The following AZIN2 variants were observed in gnomAD, a reference collection of about 807,000 sequenced individuals.
AZIN2 encodes ODC antizyme inhibitor-2.
Under a neutral mutation model 47.8 loss-of-function variants are expected in AZIN2, and 28 were observed. The observed-to-expected ratio is 0.59, with a 90% CI of 0.43 to 0.80. The LOEUF (loss-of-function observed/expected upper bound fraction) is 0.80. AZIN2 is among the 30% of genes least tolerant of loss of function. AZIN2 has a pLI of 0.00. For missense variants in AZIN2, 535 were observed against 582.5 expected (o/e 0.92, Z 0.84); for synonymous variants, 221 against 239.4 (o/e 0.92, Z 0.71).
chr1:33,108,125 C>A (rs1441398125), intron 10 of AZIN2, among the ~76,000 whole-genome samples: 1 of 152,028 alleles, frequency 6.6e-6, no homozygotes, highest in African/African-American at 2.4e-5. Context: ...GGCATAAAAA[C>A]GAACATATAG....
In AZIN2 at chr1:33,091,926, G is replaced by A. The variant is rs369916922; in HGVS notation, c.280-124G>A. 234 of 983,852 alleles carry A rather than the reference G, an allele frequency of 2.4e-4. 1 individual carries two copies. The South Asian group carries it at 3.5e-3, about 15-fold the overall frequency. 60.9% of individuals were successfully genotyped at this position (983,852 alleles called of 1,614,324 possible). On this transcript the variant is annotated intron_variant, in intron 5 of 11. Transcript: ENST00000294517. ...ATATCTATGTATCTGTTGTCTTAGAGCAAGGCCCACTGTTATGGGCCTCCC... is the reference window on the plus strand; with the variant it reads ...ATATCTATGTATCTGTTGTCTTAGAACAAGGCCCACTGTTATGGGCCTCCC...
Position 33,120,264 on chromosome 1 carries a change from T to C in AZIN2, c.*82T>C, listed in dbSNP as rs987901969. ...AGGTGGGGAAGATGGCAGGCAAGGGTACCCTTGGCCAGGACTCTGGTGCCC... is the reference window on the plus strand; with the variant it reads ...AGGTGGGGAAGATGGCAGGCAAGGGCACCCTTGGCCAGGACTCTGGTGCCC... On this transcript the variant is annotated 3_prime_UTR_variant, in exon 12 of 12. Transcript: ENST00000294517. 25 of 1,529,926 alleles carry C rather than the reference T, an allele frequency of 1.6e-5. No homozygotes were observed. Among genetic ancestry groups the C allele is most frequent in the Non-Finnish European group, 2.0e-5 (23 of 1,136,148 alleles). 94.8% of individuals were successfully genotyped at this position (1,529,926 alleles called of 1,614,324 possible). A position where few individuals can be genotyped will look rare whatever the true frequency, so the allele number is the denominator to read the frequency against.
At chr1:33,120,018 T>A in intron 11 of AZIN2, 26 bp from the exon 12 acceptor site, 1 of 1,613,064 alleles carries the variant, frequency 6.2e-7, no homozygotes, top group Non-Finnish European at 8.5e-7. Flanking sequence ...TGCTGGCTAC[T>A]TGCAGCACCC....
chr1:33,131,521 A>G, the AZIN2 span, among the ~76,000 whole-genome samples: 1 of 152,220 alleles, frequency 6.6e-6, no homozygotes, highest in African/African-American at 2.4e-5. Context: ...GATTTCAAAG[A>G]TGTAGTTCAA....
chr1:33,149,832 C>A, the AZIN2 span, among the ~76,000 whole-genome samples: 1 of 152,160 alleles, frequency 6.6e-6, no homozygotes, highest in African/African-American at 2.4e-5. Context: ...GCCCTATTTC[C>A]CCATTTGCAC....
At position 33,082,187 on chromosome 1, in the gene AZIN2, T is replaced by C; in HGVS notation, c.-63T>C. The C allele has an allele frequency of 1.4e-6, 2 of 1,401,734 alleles. No individual in the cohort carries two copies. The highest frequency in any genetic ancestry group is 2.0e-6 in the Non-Finnish European group (2 of 996,390). 86.8% of individuals were successfully genotyped at this position (1,401,734 alleles called of 1,614,324 possible). A position where few individuals can be genotyped will look rare whatever the true frequency, so the allele number is the denominator to read the frequency against. ...TCCCCTCGCCCCGCAGTGTGTTGCA[T>C]ACTTTCTAAGGCGGCGGCTGCAGCA... On this transcript the variant is annotated 5_prime_UTR_variant, in exon 4 of 12. Transcript: ENST00000294517.
At chr1:33,160,514 C>G in the AZIN2 span, among the ~76,000 whole-genome samples, 1 of 152,080 alleles carries the variant, frequency 6.6e-6, no homozygotes, top group Non-Finnish European at 1.5e-5. Context: ...AGGCGATTCT[C>G]CAGCCTCAGC....
At chr1:33,146,519 C>A in the AZIN2 span, 1 of 157,992 alleles carries the variant, frequency 6.3e-6, no homozygotes, top group Non-Finnish European at 1.4e-5. Flanking sequence ...GGCCTGTGGG[C>A]AGGAAGGTGG....
At chr1:33,138,644 AAG>A in the AZIN2 span, among the ~76,000 whole-genome samples, 3 of 151,258 alleles carry the variant, frequency 2.0e-5, no homozygotes, top group Non-Finnish European at 2.9e-5. Flanking sequence ...AAAAAAAAAA[AAG>A]AAAAGGAAAG....
chr1:33,094,067 T>A (rs190049542), intron 7 of AZIN2, among the ~76,000 whole-genome samples: 1 of 151,936 alleles, frequency 6.6e-6, no homozygotes, highest in East Asian at 1.9e-4. Context: ...ATGGAAGGAG[T>A]AATAATGAAC....
the AZIN2 span, among the ~76,000 whole-genome samples, chr1:33,149,824 C>T: frequency 6.6e-6 from 1 of 152,112 alleles, no homozygotes. Flanking sequence ...CACATTTTGC[C>T]CTATTTCCCC....
chr1:33,096,719 A>T lies in AZIN2; in HGVS notation c.766A>T (p.Ile256Phe), dbSNP rs1306363760. ...CTCCTCCTACCAGATTGCTTCCGTG[A>T]TCAACTCAGCCTTGGACCTGTACTT... is the stretch of plus-strand genomic sequence containing the variant. ...KVRFEEIASV[I>F]NSALDLYFPE... The change falls in exon 9 of 12, where the codon ATC becomes TTC. Residue 256 changes from isoleucine (I) to phenylalanine (F), a missense_variant. This residue lies in a region of AZIN2 where 409 missense variants were observed against 429.0 expected (regional missense o/e 0.95). Transcript: ENST00000294517. The T allele has an allele frequency of 6.2e-7, 1 of 1,614,220 alleles. No homozygotes were observed. Among genetic ancestry groups the T allele is most frequent in the Non-Finnish European group, 8.5e-7 (1 of 1,180,024 alleles).
chr1:33,110,476 A>G (rs1644240169), intron 10 of AZIN2, among the ~76,000 whole-genome samples: 1 of 152,342 alleles, frequency 6.6e-6, no homozygotes, highest in Non-Finnish European at 1.5e-5. Context: ...TTCTTTTACA[A>G]TGTTTGAAGA....
chr1:33,152,573 GAAA>G, the AZIN2 span, among the ~76,000 whole-genome samples: 2 of 102,818 alleles, frequency 1.9e-5, no homozygotes, highest in South Asian at 5.8e-4. Context: ...GTCTCAAAAA[GAAA>G]AAAAAAAAAA....
At chr1:33,134,086 G>T in the AZIN2 span, among the ~76,000 whole-genome samples, 2 of 152,210 alleles carry the variant, frequency 1.3e-5, no homozygotes, top group East Asian at 3.8e-4. Context: ...ATGTTGCCAG[G>T]CCTTCATGCT....
downstream of AZIN2, among the ~76,000 whole-genome samples, chr1:33,126,834 A>ATTTTT (rs1419141240): frequency 1.3e-5 from 2 of 152,208 alleles, no homozygotes; most frequent in Non-Finnish European, 2.9e-5. Context: ...ATTTTTTAGC[A>ATTTTT]TACGTGTCTC....
At chr1:33,117,336 A>T (rs1557726469) in intron 10 of AZIN2, among the ~76,000 whole-genome samples, 1 of 152,010 alleles carries the variant, frequency 6.6e-6, no homozygotes, top group African/African-American at 2.4e-5. Context: ...GACATCTGGG[A>T]GGGCTTCATA....
chr1:33,097,541 C>T (rs1643286444), intron 9 of AZIN2, among the ~76,000 whole-genome samples: 1 of 152,162 alleles, frequency 6.6e-6, no homozygotes, highest in Non-Finnish European at 1.5e-5. Context: ...TGCTCTGGGA[C>T]CCTCATGCAG....
the AZIN2 span, chr1:33,165,626 C>G: frequency 6.9e-7 from 1 of 1,447,428 alleles, no homozygotes; most frequent in Non-Finnish European, 9.3e-7. This position sits in a 1 kb window ranked among gnomAD's most constrained non-coding sequence, Gnocchi z 4.0. Context: ...GGCATTCAGC[C>G]CTGACCACTG....
Sources: allele counts gnomAD v4.1 joint callset (sites outside exome capture counted in the v4.1 genomes callset), GRCh38; gene constraint gnomAD v4.1.1; regional missense constraint gnomAD v4.1.1; non-coding constraint Gnocchi (gnomAD v3.1); transcripts MANE v1.5; gene names NCBI Gene and HGNC (gene_info 2026-07-23, HGNC 2026-07-21).